Variants in TBC1D30 observed in about 807,000 individuals in gnomAD.
TBC1D30 encodes TBC1 domain family, member 30.
Under a neutral mutation model 63.2 loss-of-function variants are expected in TBC1D30, and 31 were observed. The ratio of observed to expected loss-of-function variants is 0.49; its 90% confidence interval spans 0.37 to 0.66. The LOEUF (loss-of-function observed/expected upper bound fraction) is 0.66, where lower values mean the gene tolerates loss of function less well. Ranked by LOEUF, TBC1D30 falls within the 30% of genes least tolerant of loss-of-function variation. The pLI, the probability that TBC1D30 is intolerant of heterozygous loss-of-function variation, is 0.00. For missense variants in TBC1D30, 810 were observed against 953.6 expected, an observed-to-expected ratio of 0.85 and a Z score of 1.98; for synonymous variants, 307 against 361.5, an observed-to-expected ratio of 0.85 and a Z score of 1.71.
At position 64,875,236 on chromosome 12, in the gene TBC1D30, G is replaced by A; in HGVS notation, c.1734G>A (p.Arg578=). ...HIRVHKKNMP[R]TKSHPGCGDT... ...GAGTCCACAAAAAGAACATGCCAAG[G>A]ACCAAGAGTCATCCGGGCTGTGGGG... is the stretch of plus-strand genomic sequence containing the variant. Residue 578 remains arginine, a synonymous_variant, in exon 12 of 12, where the codon AGG becomes AGA. Transcript: ENST00000539867. 6.5e-7 allele frequency: 1 copy of A among 1,536,306 alleles called. No individual in the cohort carries two copies. Among genetic ancestry groups the A allele is most frequent in the South Asian group, 1.2e-5 (1 of 84,048 alleles).
intron 7 of TBC1D30, among the ~76,000 whole-genome samples, chr12:64,840,732 C>T (rs531954568): frequency 8.1e-4 from 124 of 152,250 alleles, no homozygotes; most frequent in African/African-American, 2.8e-3. Flanking sequence ...ATTCCTGGCT[C>T]TAGAGTCTGT....
At chr12:64,786,921 C>T (rs981863030) in intron 2 of TBC1D30, among the ~76,000 whole-genome samples, 2 of 150,328 alleles carry the variant, frequency 1.3e-5, no homozygotes, top group Admixed American at 6.6e-5. Context: ...CCAGCCTGGG[C>T]GACAAGAGCG....
intron 2 of TBC1D30, among the ~76,000 whole-genome samples, chr12:64,804,303 G>A (rs1872742878): frequency 6.6e-6 from 1 of 152,168 alleles, no homozygotes; most frequent in Non-Finnish European, 1.5e-5. Context: ...TGTTATTGGT[G>A]TAGAGGAATG....
intron 3 of TBC1D30, among the ~76,000 whole-genome samples, chr12:64,829,052 G>T (rs1176926772): frequency 2.0e-5 from 3 of 152,106 alleles, no homozygotes; most frequent in Non-Finnish European, 4.4e-5. Flanking sequence ...GAACAAAGGG[G>T]GAAGCAATAG....
At chr12:64,832,018 G>T in intron 4 of TBC1D30, 101 bp from the exon 5 acceptor site, 2 of 1,169,132 alleles carry the variant, frequency 1.7e-6, no homozygotes, top group Non-Finnish European at 2.3e-6. Flanking sequence ...AAAATTTTAT[G>T]TCGATGATTT....
rs1031180230 is a variant in TBC1D30, at chr12:64,875,472, G to T, written c.1970G>T (p.Gly657Val). 4 of 1,536,190 alleles carry T rather than the reference G, an allele frequency of 2.6e-6. No individual in the cohort carries two copies. Among genetic ancestry groups the T allele is most frequent in the Non-Finnish European group, 2.6e-6 (3 of 1,146,942 alleles). ...GTGTCTGCAGTTCAGGCGAAGTTGG[G>T]AGCCCTGGAACTGAACCAGAGGGAT... ...VDVSAVQAKL[G>V]ALELNQRDAA... Residue 657 changes from glycine (G) to valine (V), a missense_variant, in exon 12 of 12, where the codon GGA becomes GTA. This residue lies in a region of TBC1D30 where 450 missense variants were observed against 473.0 expected (regional missense o/e 0.95). Transcript: ENST00000539867.
upstream of TBC1D30, among the ~76,000 whole-genome samples, chr12:64,778,767 G>A (rs1274145413): frequency 1.3e-5 from 2 of 151,708 alleles, no homozygotes; most frequent in Non-Finnish European, 1.5e-5. Flanking sequence ...TTCATGATCC[G>A]TCCACCTCGG....
At chr12:64,787,550 C>T (rs1241431242) in intron 2 of TBC1D30, among the ~76,000 whole-genome samples, 1 of 151,892 alleles carries the variant, frequency 6.6e-6, no homozygotes, top group East Asian at 1.9e-4. Context: ...GATGTGTTTG[C>T]TTTCATGAAA....
At chr12:64,796,645 G>GAAAATACAAACTA (rs1169405453) in intron 2 of TBC1D30, among the ~76,000 whole-genome samples, 1 of 152,120 alleles carries the variant, frequency 6.6e-6, no homozygotes, top group East Asian at 1.9e-4. Flanking sequence ...ACTTCTAGAA[G>GAAAATACAAACTA]TGGGGATATT....
exon 1 of TBC1D30, chr12:64,781,049 C>T (rs1463645564): frequency 3.2e-5 from 33 of 1,020,324 alleles, no homozygotes; most frequent in Non-Finnish European, 3.9e-5. Context: ...CACGGCGTCC[C>T]TGGTGAGCGG....
At chr12:64,862,079 G>C (rs1294618904) in intron 8 of TBC1D30, among the ~76,000 whole-genome samples, 1 of 152,292 alleles carries the variant, frequency 6.6e-6, no homozygotes, top group Admixed American at 6.5e-5. Flanking sequence ...TTGGGAGGGA[G>C]GTGGAACTAA....
At chr12:64,789,059 A>C (rs1181954122) in intron 2 of TBC1D30, among the ~76,000 whole-genome samples, 1 of 152,126 alleles carries the variant, frequency 6.6e-6, no homozygotes, top group Non-Finnish European at 1.5e-5. Context: ...ACTGAATAAC[A>C]TATTGACTTT....
chr12:64,832,611 A>G (rs979771354), intron 5 of TBC1D30, among the ~76,000 whole-genome samples: 16 of 152,250 alleles, frequency 1.1e-4, no homozygotes, highest in Non-Finnish European at 1.5e-4. Flanking sequence ...AAAACAGCAA[A>G]TGTATTATCT....
intron 3 of TBC1D30, 25 bp downstream of exon 3, chr12:64,828,534 A>G (rs1171686387): frequency 1.4e-6 from 2 of 1,470,228 alleles, no homozygotes; most frequent in Non-Finnish European, 1.8e-6. Context: ...TAGGGCTAGA[A>G]TACAGAAGGA....
intron 2 of TBC1D30, among the ~76,000 whole-genome samples, chr12:64,813,923 A>G (rs566863254): frequency 6.6e-6 from 1 of 152,324 alleles, no homozygotes; most frequent in African/African-American, 2.4e-5. Flanking sequence ...AATGAGTACG[A>G]CTTAGTTCCT....
chr12:64,875,744 T>A lies in TBC1D30; in HGVS notation c.2242T>A (p.Phe748Ile). 6.5e-7 allele frequency: 1 copy of A among 1,534,310 alleles called. No individual in the cohort carries two copies. Among genetic ancestry groups the A allele is most frequent in the Non-Finnish European group, 8.7e-7 (1 of 1,146,262 alleles). Reference protein sequence around the residue: ...TVHFPQMSRSFSKPGGGNSGT... With the variant: ...TVHFPQMSRSISKPGGGNSGT... The stretch of plus-strand genomic sequence containing the variant: ...GCACTTTCCTCAAATGAGTAGGAGC[T>A]TCAGCAAACCCGGCGGTGGAAACAG... The change falls in exon 12 of 12, where the codon TTC becomes ATC. Residue 748 changes from phenylalanine to isoleucine, a missense_variant. Physicochemically the swap from Phe to Ile is conservative, Grantham distance 21. Around this residue, in one of 4 missense-constraint regions of TBC1D30, gnomAD observed 450 missense variants for 473.0 expected, o/e 0.95. Coordinates refer to ENST00000539867, the MANE Select transcript of TBC1D30 (RefSeq NM_015279.2).
At chr12:64,787,174 T>C (rs1199558380) in intron 2 of TBC1D30, among the ~76,000 whole-genome samples, 1 of 152,176 alleles carries the variant, frequency 6.6e-6, no homozygotes, top group Non-Finnish European at 1.5e-5. Flanking sequence ...TAATCATAAC[T>C]AAGAGCTGTG....
chr12:64,828,210 A>G (rs921170438), intron 2 of TBC1D30, among the ~76,000 whole-genome samples: 6 of 152,156 alleles, frequency 3.9e-5, no homozygotes, highest in Non-Finnish European at 7.4e-5. Flanking sequence ...CTTCCCAACC[A>G]TTTTGTTTGT....
chr12:64,762,056 G>A (rs539272550), intron 1 of TBC1D30, among the ~76,000 whole-genome samples: 25 of 152,322 alleles, frequency 1.6e-4, no homozygotes, highest in Non-Finnish European at 3.5e-4. Context: ...GAGCATTTAA[G>A]GTGGTGGGAG....
Sources: gnomAD v4.1 joint callset for allele counts (sites outside exome capture counted in the v4.1 genomes callset) on GRCh38, gnomAD v4.1.1 for gene constraint, gnomAD v4.1.1 regional missense constraint, MANE v1.5 for transcripts, NCBI Gene and HGNC (gene_info 2026-07-23, HGNC 2026-07-21) for gene names.